Variants in FRMD4B observed in about 807,000 individuals in gnomAD.
The protein encoded by FRMD4B is FERM domain containing 4B, also known as FERM domain-containing protein 4B.
Under a neutral mutation model 141.5 loss-of-function variants are expected in FRMD4B, and 74 were observed. That is an observed-to-expected ratio of 0.52 (90% CI 0.43 to 0.63). The LOEUF (loss-of-function observed/expected upper bound fraction) is 0.63, where lower values mean the gene tolerates loss of function less well. FRMD4B is among the 30% of genes least tolerant of loss of function. The probability of loss-of-function intolerance (pLI) is 0.00; values close to 1 mark genes in which losing one functional copy is unlikely to be tolerated. For missense variants in FRMD4B, 1,366 were observed against 1,253.4 expected (o/e 1.09, Z -1.36); for synonymous variants, 506 against 467.9 (o/e 1.08, Z -1.05).
At chr3:69,446,860 C>A (rs1053888232) in intron 1 of FRMD4B, among the ~76,000 whole-genome samples, 4 of 152,152 alleles carry the variant, frequency 2.6e-5, no homozygotes, top group Non-Finnish European at 4.4e-5. Context: ...GAAATTTAAG[C>A]CTCATTGACA....
intron 1 of FRMD4B, among the ~76,000 whole-genome samples, chr3:69,349,319 A>C (rs1703054841): frequency 6.6e-6 from 1 of 152,232 alleles, no homozygotes. Context: ...CAATGAAATA[A>C]AAGAGGACAC....
At chr3:69,395,316 A>G (rs1431729937) in intron 2 of FRMD4B, among the ~76,000 whole-genome samples, 1 of 152,174 alleles carries the variant, frequency 6.6e-6, no homozygotes, top group African/African-American at 2.4e-5. Flanking sequence ...ATGGTAGAAG[A>G]AAAACAAAAA....
chr3:69,216,189 G>T, intron 11 of FRMD4B, 74 bp downstream of exon 11: 1 of 826,700 alleles, frequency 1.2e-6, no homozygotes, highest in Non-Finnish European at 2.0e-6. Flanking sequence ...ACCTAATGGT[G>T]TGTGCTTTTC....
chr3:69,493,760 G>T (rs76432090), intron 1 of FRMD4B, among the ~76,000 whole-genome samples: 2,699 of 152,176 alleles, frequency 0.018, 81 homozygotes, highest in East Asian at 0.13. Flanking sequence ...CTTGCTTACG[G>T]TTATCATCAG....
chr3:69,196,462 G>A (rs2092905730), intron 13 of FRMD4B, 66 bp from the exon 14 acceptor site: 4 of 1,233,638 alleles, frequency 3.2e-6, no homozygotes, highest in Non-Finnish European at 3.5e-6. Context: ...AAACAATTAA[G>A]TTAACATACA....
intron 5 of FRMD4B, among the ~76,000 whole-genome samples, chr3:69,263,559 A>C (rs981860142): frequency 6.6e-6 from 1 of 151,522 alleles, no homozygotes; most frequent in Non-Finnish European, 1.5e-5. Context: ...GGTGTGTGCC[A>C]CCATGCCTGG....
At chr3:69,217,956 T>G (rs1020532095) in intron 10 of FRMD4B, among the ~76,000 whole-genome samples, 1 of 152,134 alleles carries the variant, frequency 6.6e-6, no homozygotes, top group Admixed American at 6.5e-5. Flanking sequence ...GATTAAAACA[T>G]GGTATTGCAA....
intron 1 of FRMD4B, among the ~76,000 whole-genome samples, chr3:69,524,776 G>A (rs1449033262): frequency 6.6e-6 from 1 of 152,196 alleles, no homozygotes; most frequent in East Asian, 1.9e-4. Flanking sequence ...CAGTCCTTTA[G>A]GCAGAGCTTG....
chr3:69,382,930 G>C (rs1704150932), intron 1 of FRMD4B, among the ~76,000 whole-genome samples: 1 of 152,148 alleles, frequency 6.6e-6, no homozygotes, highest in Non-Finnish European at 1.5e-5. Context: ...TCTACTGCTA[G>C]ACTTTTCAGC....
At chr3:69,208,177 C>T (rs2093042298) in intron 11 of FRMD4B, among the ~76,000 whole-genome samples, 1 of 152,142 alleles carries the variant, frequency 6.6e-6, no homozygotes, top group African/African-American at 2.4e-5. Context: ...AATTCTCCTG[C>T]CTCAGCCTCC....
intron 11 of FRMD4B, among the ~76,000 whole-genome samples, chr3:69,208,405 GGC>G (rs1247829381): frequency 6.6e-6 from 1 of 152,062 alleles, no homozygotes; most frequent in East Asian, 1.9e-4. Context: ...TCACCATGTT[GGC>G]CAGGCTGGTC....
At position 69,457,255 on chromosome 3, in the gene FRMD4B, G is replaced by A. The variant is rs1705634354; in HGVS notation, c.-128-24494C>T. 2.0e-5 allele frequency among the ~76,000 whole-genome samples: 3 copies of A among 152,138 alleles called. No homozygotes were observed. The South Asian group carries it at 6.2e-4, about 31-fold the overall frequency. On this transcript the variant is annotated intron_variant, in intron 1 of 5. Coordinates refer to the FRMD4B transcript ENST00000459638. ...GTATGAACAGGATGGTTATATTTTTGTAATGTCTGGATACAGGACTGAAAG... is the reference window on the plus strand; with the variant it reads ...GTATGAACAGGATGGTTATATTTTTATAATGTCTGGATACAGGACTGAAAG...
chr3:69,219,162 CA>C lies in FRMD4B; in HGVS notation c.732-784del, dbSNP rs34697144. Reference sequence around the variant, plus strand: ...CCTGGGTGACAGAGTGAGAATCTGTCAAAAAAAAAAAAAAAGTCCCCCCAAA... The same window carrying C: ...CCTGGGTGACAGAGTGAGAATCTGTCAAAAAAAAAAAAAAGTCCCCCCAAA... On this transcript the variant is annotated intron_variant, in intron 9 of 22. Coordinates refer to ENST00000398540, the MANE Select transcript of FRMD4B (RefSeq NM_015123.3). Among the ~76,000 whole-genome samples the C allele has an allele frequency of 3.1e-3, 400 of 130,894 alleles. 2 individuals carry two copies. The highest frequency in any genetic ancestry group is 1.0e-2 in the African/African-American group (347 of 34,722). The allele number at this position is 130,894 out of a possible 152,430, so 85.9% of individuals were successfully genotyped here.
At chr3:69,276,431 C>G (rs535247786) in intron 5 of FRMD4B, among the ~76,000 whole-genome samples, 1 of 152,074 alleles carries the variant, frequency 6.6e-6, no homozygotes, top group Non-Finnish European at 1.5e-5. Context: ...CACCATCATG[C>G]CTGGCTAATT....
intron 2 of FRMD4B, among the ~76,000 whole-genome samples, chr3:69,423,654 C>T (rs1229801967): frequency 6.6e-6 from 1 of 152,100 alleles, no homozygotes; most frequent in African/African-American, 2.4e-5. Flanking sequence ...GCCTCTGGGA[C>T]ATGATTAGGT....
chr3:69,520,031 C>T (rs1272204777), intron 1 of FRMD4B, among the ~76,000 whole-genome samples: 11 of 86,628 alleles, frequency 1.3e-4, no homozygotes, highest in African/African-American at 5.0e-4. Context: ...TATATTCCAT[C>T]ATATATATAT....
intron 4 of FRMD4B, among the ~76,000 whole-genome samples, chr3:69,297,970 T>C (rs1183818555): frequency 6.6e-6 from 1 of 152,226 alleles, no homozygotes; most frequent in Non-Finnish European, 1.5e-5. Context: ...GAACACTACA[T>C]GCCTTTGCTT....
chr3:69,197,480 A>C (rs1196562692), intron 12 of FRMD4B, among the ~76,000 whole-genome samples: 1 of 152,100 alleles, frequency 6.6e-6, no homozygotes, highest in Non-Finnish European at 1.5e-5. Flanking sequence ...ACATTATCAG[A>C]GAATGCACTT....
chr3:69,443,363 T>TA (rs1705367151), intron 1 of FRMD4B, among the ~76,000 whole-genome samples: 1 of 152,226 alleles, frequency 6.6e-6, no homozygotes, highest in South Asian at 2.1e-4. Context: ...CCCTCTGGAC[T>TA]TTATATATAC....
Sources: allele counts gnomAD v4.1 joint callset (sites outside exome capture counted in the v4.1 genomes callset), GRCh38; gene constraint gnomAD v4.1.1; transcripts MANE v1.5; gene names NCBI Gene and HGNC (gene_info 2026-07-23, HGNC 2026-07-21).